CGNL1: variants seen among roughly 807,000 people sequenced by gnomAD.
CGNL1 encodes the protein cingulin like 1.
Under a neutral mutation model 141.2 loss-of-function variants are expected in CGNL1, and 132 were observed. The observed-to-expected ratio is 0.93, with a 90% CI of 0.81 to 1.08. The LOEUF (loss-of-function observed/expected upper bound fraction) is 1.08. CGNL1 is among the 50% of genes least tolerant of loss of function. The pLI, the probability that CGNL1 is intolerant of heterozygous loss-of-function variation, is 0.00. For missense variants in CGNL1, 1,870 were observed against 1,588.6 expected, an observed-to-expected ratio of 1.18 and a Z score of -3.01; for synonymous variants, 690 against 622.1, an observed-to-expected ratio of 1.11 and a Z score of -1.63.
chr15:57,521,987 C>G lies in CGNL1; in HGVS notation c.2716-1502C>G, dbSNP rs79327990. Among the ~76,000 whole-genome samples, 393 of 152,278 alleles carry G rather than the reference C, an allele frequency of 2.6e-3. 1 individual carries two copies. Among genetic ancestry groups the G allele is most frequent in the African/African-American group, 9.0e-3 (376 of 41,552 alleles). ...GGGTTTTGTCCCATACCATACCTCA[C>G]TGGTTCTATAACTCCTCCTCACCCT... On this transcript the variant is annotated intron_variant, in intron 10 of 18. Coordinates refer to ENST00000281282, the MANE Select transcript of CGNL1 (RefSeq NM_032866.5).
chr15:57,543,576 T>A, intron 14 of CGNL1, 120 bp from the exon 15 acceptor site: 1 of 813,592 alleles, frequency 1.2e-6, no homozygotes, highest in Non-Finnish European at 2.1e-6. Context: ...CACGAGGGGC[T>A]GGGTAGGGCA....
chr15:57,442,181 T>TAAAAAA (rs1567120591), intron 3 of CGNL1, among the ~76,000 whole-genome samples, 192 bp from the exon 4 acceptor site: 1 of 20,590 alleles, frequency 4.9e-5, no homozygotes, highest in African/African-American at 2.0e-4. Context: ...ATCATTTATT[T>TAAAAAA]GAAAAAAAAA....
intron 8 of CGNL1, among the ~76,000 whole-genome samples, chr15:57,479,382 G>A (rs2063696862): frequency 6.6e-6 from 1 of 152,188 alleles, no homozygotes; most frequent in Admixed American, 6.5e-5. Context: ...TGGGCAAAGG[G>A]GCTGGGCATG....
At chr15:57,538,106 G>A (rs1254860619) in intron 14 of CGNL1, among the ~76,000 whole-genome samples, 1 of 152,220 alleles carries the variant, frequency 6.6e-6, no homozygotes, top group East Asian at 1.9e-4. Flanking sequence ...TGGGATCACT[G>A]CACTGAGGAC....
chr15:57,522,502 T>A (rs2031331243), intron 10 of CGNL1, among the ~76,000 whole-genome samples: 1 of 152,212 alleles, frequency 6.6e-6, no homozygotes, highest in African/African-American at 2.4e-5. Flanking sequence ...CTGAGCTGTT[T>A]CTGTAGTGGC....
At chr15:57,476,403 G>A (rs2063658046) in intron 8 of CGNL1, among the ~76,000 whole-genome samples, 1 of 152,130 alleles carries the variant, frequency 6.6e-6, no homozygotes. Flanking sequence ...TCATTTTTAT[G>A]CCTTTTATAG....
At chr15:57,544,677 G>A in intron 16 of CGNL1, 80 bp downstream of exon 16, 4 of 1,486,516 alleles carry the variant, frequency 2.7e-6, no homozygotes, top group Non-Finnish European at 3.6e-6. Flanking sequence ...TCACATTTGG[G>A]ATCTGTCCTG....
Position 57,438,869 on chromosome 15 carries a change from A to C in CGNL1, c.870A>C (p.Gly290=). ...RQDSAGPVLD[G]ARSRRSSSSS... is the part of the protein sequence containing the mutation. ...ATTCAGCGGGACCCGTCCTGGATGG[A>C]GCTCGGTCCCGGAGGTCCTCCTCGT... Residue 290 remains glycine (G), a synonymous_variant, in exon 2 of 19, where the codon GGA becomes GGC. Coordinates refer to ENST00000281282, the MANE Select transcript of CGNL1 (RefSeq NM_032866.5). 6.2e-7 allele frequency: 1 copy of C among 1,614,100 alleles called. No homozygotes were observed. Among genetic ancestry groups the C allele is most frequent in the Non-Finnish European group, 8.5e-7 (1 of 1,180,022 alleles).
intron 8 of CGNL1, among the ~76,000 whole-genome samples, chr15:57,467,656 A>G (rs2063526250): frequency 6.6e-6 from 1 of 151,742 alleles, no homozygotes. Flanking sequence ...AAGGGGTGAT[A>G]ATAGTGCTAT....
chr15:57,515,080 T>A (rs1567163677), intron 8 of CGNL1, among the ~76,000 whole-genome samples: 1 of 152,202 alleles, frequency 6.6e-6, no homozygotes, highest in Non-Finnish European at 1.5e-5. Context: ...GTCTGACCAG[T>A]TACTAGATTC....
chr15:57,411,993 T>G (rs2062793858), intron 1 of CGNL1, among the ~76,000 whole-genome samples: 1 of 152,230 alleles, frequency 6.6e-6, no homozygotes, highest in African/African-American at 2.4e-5. Flanking sequence ...TATCTAGCAT[T>G]CAAAGCCCCG....
At chr15:57,526,850 C>G (rs1350000583) in intron 12 of CGNL1, among the ~76,000 whole-genome samples, 1 of 152,018 alleles carries the variant, frequency 6.6e-6, no homozygotes, top group Admixed American at 6.5e-5. Flanking sequence ...TGGGGCTGTG[C>G]TGAGCAGTGG....
chr15:57,417,082 T>C (rs1315998168), intron 1 of CGNL1, among the ~76,000 whole-genome samples: 2 of 152,226 alleles, frequency 1.3e-5, no homozygotes, highest in Non-Finnish European at 2.9e-5. Context: ...AATACTTACC[T>C]GGCGGGGTTG....
intron 1 of CGNL1, among the ~76,000 whole-genome samples, chr15:57,385,826 G>A (rs1425186030): frequency 6.6e-6 from 1 of 152,202 alleles, no homozygotes; most frequent in African/African-American, 2.4e-5. Context: ...CATCTAATGG[G>A]CCAAGGCCAA....
Position 57,442,182 on chromosome 15 carries a change from G to GAAAAAAAAAAAAAAAAAAA in CGNL1, c.1698-188_1698-170dup, listed in dbSNP as rs61564944. Among the ~76,000 whole-genome samples, 28 of 96,510 alleles carry GAAAAAAAAAAAAAAAAAAA rather than the reference G, an allele frequency of 2.9e-4. 4 individuals are homozygous for GAAAAAAAAAAAAAAAAAAA. The highest frequency in any genetic ancestry group is 1.2e-3 in the African/African-American group (28 of 23,300). The allele number at this position is 96,510 out of a possible 152,430, so 63.3% of individuals were successfully genotyped here. ...TTGAGTGGTAACACATCATTTATTT[G>GAAAAAAAAAAAAAAAAAAA]AAAAAAAAAAAAAAAAAAAAAGACA... is the stretch of plus-strand genomic sequence containing the variant. On this transcript the variant is annotated intron_variant, in intron 3 of 18. Transcript: ENST00000281282.
At chr15:57,415,427 G>T (rs2062837919) in intron 1 of CGNL1, among the ~76,000 whole-genome samples, 1 of 152,224 alleles carries the variant, frequency 6.6e-6, no homozygotes, top group African/African-American at 2.4e-5. Flanking sequence ...CTACGCTGCT[G>T]GCGTTGAAGA....
At chr15:57,437,948 C>A in intron 1 of CGNL1, 37 bp from the exon 2 acceptor site, 2 of 1,524,286 alleles carry the variant, frequency 1.3e-6, no homozygotes, top group Admixed American at 1.9e-5. Context: ...GTAATTCTAA[C>A]CTAATGTCCT....
Position 57,472,428 on chromosome 15 carries a change from C to T in CGNL1, c.2403+10536C>T, listed in dbSNP as rs115886235. ...ACAGATTTTTAGAGAGAGAGACAGA[C>T]AGACAAGCAGGTGTGTGTGTAGTGT... On this transcript the variant is annotated intron_variant, in intron 8 of 18. Transcript: ENST00000281282. Among the ~76,000 whole-genome samples the T allele has an allele frequency of 7.9e-3, 1,200 of 152,186 alleles. 16 individuals are homozygous for T. Among genetic ancestry groups the T allele is most frequent in the African/African-American group, 0.027 (1,129 of 41,504 alleles).
chr15:57,465,383 CTTT>C (rs11332989), intron 8 of CGNL1, among the ~76,000 whole-genome samples: 39 of 80,854 alleles, frequency 4.8e-4, no homozygotes, highest in African/African-American at 1.9e-3. Flanking sequence ...TAAAAACTGA[CTTT>C]TTTTTTTTTT....
Sources: gnomAD v4.1 joint callset for allele counts (sites outside exome capture counted in the v4.1 genomes callset) on GRCh38, gnomAD v4.1.1 for gene constraint, MANE v1.5 for transcripts, NCBI Gene and HGNC (gene_info 2026-07-23, HGNC 2026-07-21) for gene names.